RBM28: variants seen among roughly 807,000 people sequenced by gnomAD.
RBM28 encodes the protein RNA binding motif protein 28, also known as RNA-binding protein 28.
Under a neutral mutation model 98.3 loss-of-function variants are expected in RBM28, and 78 were observed. The observed-to-expected ratio is 0.79, with a 90% CI of 0.66 to 0.96. RBM28 has a LOEUF of 0.96. RBM28 is among the 40% of genes least tolerant of loss of function. RBM28 has a pLI of 0.00. For synonymous variants in RBM28, 306 were observed against 330.9 expected (o/e 0.92, Z 0.82); for missense variants, 838 against 913.0 (o/e 0.92, Z 1.06).
intron 16 of RBM28, among the ~76,000 whole-genome samples, chr7:128,316,570 G>A (rs185517759): frequency 3.3e-5 from 5 of 152,172 alleles, no homozygotes; most frequent in South Asian, 2.1e-4. Flanking sequence ...AAAATTAGCC[G>A]GGTATGGTGG....
chr7:128,316,488 A>T (rs1796110377), intron 16 of RBM28, among the ~76,000 whole-genome samples: 1 of 152,206 alleles, frequency 6.6e-6, no homozygotes, highest in Non-Finnish European at 1.5e-5. Context: ...AGGCAGGTGG[A>T]TCACTTGAAG....
chr7:128,334,096 A>G (rs561864277), intron 8 of RBM28, among the ~76,000 whole-genome samples: 1 of 152,370 alleles, frequency 6.6e-6, no homozygotes, highest in African/African-American at 2.4e-5. Flanking sequence ...ATACACAAGA[A>G]ACAAATAACC....
Position 128,343,765 on chromosome 7 carries a change from C to A in RBM28, c.29G>T (p.Arg10Leu), listed in dbSNP as rs1310168823. 2.5e-6 allele frequency: 4 copies of A among 1,608,862 alleles called. No individual in the cohort carries two copies. Among genetic ancestry groups the A allele is most frequent in the Non-Finnish European group, 3.4e-6 (4 of 1,177,460 alleles). MAGLTLFVGRLPPSARSEQL... is the reference protein window; with the variant it reads MAGLTLFVGLLPPSARSEQL... ...CTCACTGCGGGCCGAGGGCGGGAGG[C>A]GGCCCACAAATAAGGTCAGGCCGGC... is the stretch of plus-strand genomic sequence containing the variant. Residue 10 changes from arginine (R) to leucine (L), a missense_variant, in exon 1 of 19, where the codon CGC becomes CTC. Transcript: ENST00000223073.
rs996192471 is a variant in RBM28 at position 128,310,746 on chromosome 7, G to A, written c.*51C>T. 8 of 1,608,382 alleles carry A rather than the reference G, an allele frequency of 5.0e-6. No individual in the cohort carries two copies. In the African/African-American group the frequency reaches 6.7e-5, roughly 13 times the overall value. On this transcript the variant is annotated 3_prime_UTR_variant, in exon 19 of 19. Transcript: ENST00000223073. Reference sequence around the variant, plus strand: ...ACGGGGGATGGGGAGGAGCCCAGGAGTGTCACCAGAAAGTACACAACCCAG... The same window carrying A: ...ACGGGGGATGGGGAGGAGCCCAGGAATGTCACCAGAAAGTACACAACCCAG...
chr7:128,330,397 T>C (rs1361975488), intron 10 of RBM28, among the ~76,000 whole-genome samples: 1 of 116,240 alleles, frequency 8.6e-6, no homozygotes, highest in African/African-American at 3.3e-5. Flanking sequence ...TTTTTTTTCG[T>C]GGAAACAAGA....
intron 6 of RBM28, among the ~76,000 whole-genome samples, chr7:128,336,537 G>A (rs1330106621): frequency 6.6e-6 from 1 of 152,162 alleles, no homozygotes; most frequent in Non-Finnish European, 1.5e-5. Context: ...AAGTAAAGGG[G>A]ACAGTGAACT....
In RBM28 at chr7:128,338,788, T is replaced by A; in HGVS notation, c.386A>T (p.Asp129Val). The change falls in exon 4 of 19, where the codon GAC becomes GTC. Residue 129 changes from aspartate to valine, a missense_variant. Physicochemically the swap from Asp to Val is radical, Grantham distance 152. Transcript: ENST00000223073. ...RNLSFKCSEDDLKTVFAQFGA... is the reference protein window; with the variant it reads ...RNLSFKCSEDVLKTVFAQFGA... ...AAATTGAGCAAATACTGTCTTCAAG[T>A]CATCTTCTGAACACTGAAGCCAAAA... 6.2e-7 allele frequency: 1 copy of A among 1,610,978 alleles called. No homozygotes were observed. The highest frequency in any genetic ancestry group is 8.5e-7 in the Non-Finnish European group (1 of 1,177,212).
In RBM28 at chr7:128,343,618, G is replaced by T. The variant is rs1263623973; in HGVS notation, c.118+58C>A. The stretch of plus-strand genomic sequence containing the variant: ...GAATGATACGGCTCCCTGAAGTTTG[G>T]GAAGGTGCCCTCGATCGCAGGAAAC... On this transcript the variant is annotated intron_variant, in intron 1 of 18. Transcript: ENST00000223073. 7.6e-6 allele frequency: 10 copies of T among 1,309,180 alleles called. No homozygotes were observed. The East Asian group carries it at 2.0e-4, about 26-fold the overall frequency. The allele number at this position is 1,309,180 out of a possible 1,614,324, so 81.1% of individuals were successfully genotyped here.
intron 14 of RBM28, among the ~76,000 whole-genome samples, chr7:128,318,751 G>A (rs890205668): frequency 2.0e-5 from 3 of 152,120 alleles, no homozygotes; most frequent in African/African-American, 4.8e-5. Context: ...AACTGTTTGC[G>A]ATACATACAA....
intron 13 of RBM28, among the ~76,000 whole-genome samples, chr7:128,321,877 G>A (rs1056111420): frequency 3.9e-5 from 6 of 151,968 alleles, no homozygotes; most frequent in Non-Finnish European, 2.9e-5. Context: ...GTGAAACCCT[G>A]TCTCTACTAA....
chr7:128,318,681 C>G (rs937030026), intron 14 of RBM28, among the ~76,000 whole-genome samples: 2 of 152,116 alleles, frequency 1.3e-5, no homozygotes, highest in African/African-American at 4.8e-5. Flanking sequence ...ATAAACAAAA[C>G]TTCCTAAAGA....
intron 1 of RBM28, among the ~76,000 whole-genome samples, 176 bp from the exon 2 acceptor site, chr7:128,339,967 A>G (rs1796689278): frequency 6.6e-6 from 1 of 152,226 alleles, no homozygotes; most frequent in South Asian, 2.1e-4. Flanking sequence ...GGGTGGTATC[A>G]GTGGTTCCCT....
In RBM28 at chr7:128,310,691, T is replaced by C. The variant is rs1452240705; in HGVS notation, c.*106A>G. 6.8e-7 allele frequency: 1 copy of C among 1,474,014 alleles called. No homozygotes were observed. The allele number at this position is 1,474,014 out of a possible 1,614,324, so 91.3% of individuals were successfully genotyped here. ...ACCTCCGAGCACAGTGGCAGTGCCC[T>C]TGGGGATTTTCTTTCCCTCAGTGAG... On this transcript the variant is annotated 3_prime_UTR_variant, in exon 19 of 19. Coordinates refer to ENST00000223073, the MANE Select transcript of RBM28 (RefSeq NM_018077.3).
intron 5 of RBM28, 122 bp downstream of exon 5, chr7:128,338,127 GT>G: frequency 1.3e-6 from 1 of 746,476 alleles, no homozygotes; most frequent in Non-Finnish European, 2.4e-6. Context: ...AATAGCTACC[GT>G]ATTAGCAATG....
chr7:128,332,724 A>G (rs1226434148), intron 9 of RBM28, among the ~76,000 whole-genome samples: 1 of 152,182 alleles, frequency 6.6e-6, no homozygotes, highest in Non-Finnish European at 1.5e-5. Context: ...ACCCTAGTAC[A>G]CTGGTACTTA....
rs1256522190 is a variant in RBM28, at chr7:128,302,175, T to C, written c.*8622A>G. On this transcript the variant is annotated 3_prime_UTR_variant, in exon 19 of 19. Coordinates refer to ENST00000223073, the MANE Select transcript of RBM28 (RefSeq NM_018077.3). ...TTATGTGAGTTTAGAGTGCCCGTCCTATTGCAGAGAGGGAGAGAGCAGAGA... is the reference window on the plus strand; with the variant it reads ...TTATGTGAGTTTAGAGTGCCCGTCCCATTGCAGAGAGGGAGAGAGCAGAGA... The C allele has an allele frequency of 6.6e-6, 1 of 152,242 alleles. No individual in the cohort carries two copies. Among genetic ancestry groups the C allele is most frequent in the East Asian group, 1.9e-4 (1 of 5,198 alleles). The allele number at this position is 152,242 out of a possible 1,614,324, so 9.4% of individuals were successfully genotyped here.
At chr7:128,323,891 T>C (rs1051225527) in intron 12 of RBM28, among the ~76,000 whole-genome samples, 1 of 152,224 alleles carries the variant, frequency 6.6e-6, no homozygotes, top group Non-Finnish European at 1.5e-5. Context: ...AGAAGAAGTA[T>C]GGAACATAAG....
intron 5 of RBM28, 64 bp from the exon 6 acceptor site, chr7:128,337,266 C>G: frequency 6.7e-7 from 1 of 1,498,390 alleles, no homozygotes; most frequent in South Asian, 1.1e-5. Context: ...CTGTAAATGA[C>G]CCCTAGTCAT....
intron 13 of RBM28, among the ~76,000 whole-genome samples, chr7:128,322,775 G>A (rs1231837437): frequency 6.6e-6 from 1 of 151,948 alleles, no homozygotes; most frequent in Non-Finnish European, 1.5e-5. Flanking sequence ...ATGATTTCTA[G>A]GTGTTCACTA....
Sources: allele counts gnomAD v4.1 joint callset (sites outside exome capture counted in the v4.1 genomes callset), GRCh38; gene constraint gnomAD v4.1.1; transcripts MANE v1.5; gene names NCBI Gene and HGNC (gene_info 2026-07-23, HGNC 2026-07-21).